The following TXLNB variants were observed in gnomAD, a reference collection of about 807,000 sequenced individuals.
TXLNB encodes the protein taxilin beta, also known as beta-taxilin.
Under a neutral mutation model 57.4 loss-of-function variants are expected in TXLNB, and 37 were observed. The ratio of observed to expected loss-of-function variants is 0.64; its 90% CI spans 0.50 to 0.85. The LOEUF is 0.85. TXLNB is among the 40% of genes least tolerant of loss of function. TXLNB has a pLI of 0.00. For synonymous variants in TXLNB, 302 were observed against 309.6 expected (o/e 0.98, Z 0.26); for missense variants, 848 against 825.6 (o/e 1.03, Z -0.33).
intron 7 of TXLNB, among the ~76,000 whole-genome samples, chr6:139,254,337 G>A (rs1471233365): frequency 6.6e-6 from 1 of 152,062 alleles, no homozygotes; most frequent in Non-Finnish European, 1.5e-5. Flanking sequence ...GTGTGTGTGT[G>A]TGTTTACAGT....
chr6:139,189,039 G>A, the TXLNB span, among the ~76,000 whole-genome samples: 5 of 152,248 alleles, frequency 3.3e-5, no homozygotes, highest in South Asian at 1.0e-3. Context: ...TTACAGGCGT[G>A]AGCCACCATG....
chr6:139,313,111 T>C, the TXLNB span, among the ~76,000 whole-genome samples: 10 of 151,920 alleles, frequency 6.6e-5, no homozygotes, highest in Admixed American at 5.2e-4. Context: ...CTCGCTCTGT[T>C]GCCCAGGCTG....
At chr6:139,298,859 T>G in the TXLNB span, among the ~76,000 whole-genome samples, 1 of 152,174 alleles carries the variant, frequency 6.6e-6, no homozygotes, top group Non-Finnish European at 1.5e-5. Context: ...GGAATCAAGT[T>G]CTTGCTCAAT....
chr6:139,204,307 C>T, the TXLNB span, among the ~76,000 whole-genome samples: 6 of 152,290 alleles, frequency 3.9e-5, no homozygotes, highest in East Asian at 1.9e-4. Context: ...GCACCCACCT[C>T]GCCCTCCCAA....
At chr6:139,323,516 C>G in the TXLNB span, among the ~76,000 whole-genome samples, 1 of 152,126 alleles carries the variant, frequency 6.6e-6, no homozygotes, top group African/African-American at 2.4e-5. Context: ...ATCTCCTGAC[C>G]TCGTGATCCG....
At chr6:139,189,033 AG>A in the TXLNB span, among the ~76,000 whole-genome samples, 1 of 152,256 alleles carries the variant, frequency 6.6e-6, no homozygotes, top group Non-Finnish European at 1.5e-5. Context: ...CTGGGATTAC[AG>A]GCGTGAGCCA....
chr6:139,292,086 G>GCGCA (rs1554228180), upstream of TXLNB: 1 of 144,542 alleles, frequency 6.9e-6, no homozygotes, highest in Admixed American at 6.9e-5. This position sits in a 1 kb window ranked among gnomAD's most constrained non-coding sequence, Gnocchi z 4.0. Flanking sequence ...GCACGCGCGC[G>GCGCA]CACACACACA....
chr6:139,255,249 G>A (rs540550776), intron 7 of TXLNB: 60 of 373,202 alleles, frequency 1.6e-4, no homozygotes, highest in Admixed American at 2.8e-4. Context: ...GGGGAAGTAC[G>A]GTGGAAATAA....
the TXLNB span, among the ~76,000 whole-genome samples, chr6:139,319,598 CA>C: frequency 6.0e-5 from 9 of 150,960 alleles, no homozygotes; most frequent in East Asian, 1.6e-3. Flanking sequence ...CCCATCTCTA[CA>C]AAAAAAAATT....
At chr6:139,259,526 G>C (rs1776427197) in intron 6 of TXLNB, among the ~76,000 whole-genome samples, 1 of 152,210 alleles carries the variant, frequency 6.6e-6, no homozygotes, top group South Asian at 2.1e-4. Context: ...GCAGGGCTTA[G>C]CTCAAGCATT....
the TXLNB span, among the ~76,000 whole-genome samples, chr6:139,172,261 G>T: frequency 6.6e-6 from 1 of 152,214 alleles, no homozygotes; most frequent in Non-Finnish European, 1.5e-5. Context: ...ACTGTGCCTA[G>T]CCTGATCATG....
chr6:139,178,078 C>T, the TXLNB span: 1 of 151,908 alleles, frequency 6.6e-6, no homozygotes, highest in African/African-American at 2.4e-5. Context: ...AAAGATTTGA[C>T]CTTAAGAGGG....
At chr6:139,269,520 T>C (rs1776705542) in intron 4 of TXLNB, among the ~76,000 whole-genome samples, 1 of 152,224 alleles carries the variant, frequency 6.6e-6, no homozygotes, top group East Asian at 1.9e-4. Flanking sequence ...TTCATCACAC[T>C]GGTTCTCCAT....
chr6:139,230,786 G>A, the TXLNB span, among the ~76,000 whole-genome samples: 1 of 152,204 alleles, frequency 6.6e-6, no homozygotes, highest in Non-Finnish European at 1.5e-5. Context: ...AGTGAGCCTT[G>A]TGACATTGTA....
chr6:139,285,099 T>C lies in TXLNB; in HGVS notation c.424+3377A>G, dbSNP rs1410697108. ...GTCAGTTGGAATTTGGTATCGTAAA[T>C]AGCGGCAGAATTAGGGAGTTGGAAT... On this transcript the variant is annotated intron_variant, in intron 2 of 9. Transcript: ENST00000358430. Among the ~76,000 whole-genome samples, 4 of 145,374 alleles carry C rather than the reference T, an allele frequency of 2.8e-5. 1 individual carries two copies. Among genetic ancestry groups the C allele is most frequent in the African/African-American group, 5.1e-5 (2 of 39,408 alleles).
intron 6 of TXLNB, among the ~76,000 whole-genome samples, chr6:139,259,563 A>G (rs933063283): frequency 2.0e-5 from 3 of 151,984 alleles, no homozygotes; most frequent in Non-Finnish European, 4.4e-5. Context: ...CTTCCTGGTC[A>G]CTCAATCTAA....
the TXLNB span, among the ~76,000 whole-genome samples, chr6:139,309,191 G>C: frequency 6.6e-6 from 1 of 152,188 alleles, no homozygotes; most frequent in Admixed American, 6.5e-5. Context: ...TATGGGAAGA[G>C]GTTTCAGCAG....
At chr6:139,199,697 G>A in the TXLNB span, among the ~76,000 whole-genome samples, 1 of 152,162 alleles carries the variant, frequency 6.6e-6, no homozygotes, top group Non-Finnish European at 1.5e-5. Context: ...AGCTTTGCTG[G>A]TAAGGGATGC....
At chr6:139,314,129 A>G in the TXLNB span, among the ~76,000 whole-genome samples, 1 of 152,224 alleles carries the variant, frequency 6.6e-6, no homozygotes, top group African/African-American at 2.4e-5. Context: ...ATTTTGAAAT[A>G]GCCCTGCAAA....
Sources: gnomAD v4.1 joint callset for allele counts (sites outside exome capture counted in the v4.1 genomes callset) on GRCh38, gnomAD v4.1.1 for gene constraint, Gnocchi (gnomAD v3.1) non-coding constraint, MANE v1.5 for transcripts, NCBI Gene and HGNC (gene_info 2026-07-23, HGNC 2026-07-21) for gene names.